The following UBE4B variants were observed in gnomAD, a reference collection of about 807,000 sequenced individuals.
The protein encoded by UBE4B is ubiquitination factor E4B, also known as ubiquitin conjugation factor E4 B.
In UBE4B, 27 loss-of-function variants were observed where a neutral mutation model predicts 148.1. That is an observed-to-expected ratio of 0.18 (90% confidence interval 0.13 to 0.25). The LOEUF (loss-of-function observed/expected upper bound fraction) is 0.25. Among genes scored for constraint, UBE4B ranks in the 10% least tolerant of loss-of-function variants. UBE4B has a pLI of 1.00. For synonymous variants in UBE4B, 596 were observed against 619.3 expected (o/e 0.96, Z 0.56); for missense variants, 1,170 against 1,662.4 (o/e 0.70, Z 5.15).
At chr1:10,124,892 G>A (rs1217416603) in intron 10 of UBE4B, among the ~76,000 whole-genome samples, 7 of 152,124 alleles carry the variant, frequency 4.6e-5, no homozygotes, top group Admixed American at 1.3e-4. Context: ...TTGGGAGGCC[G>A]AGGCAGGTGG....
At chr1:10,129,666 T>C (rs767740378) in intron 12 of UBE4B, among the ~76,000 whole-genome samples, 101 of 152,130 alleles carry the variant, frequency 6.6e-4, no homozygotes, top group Non-Finnish European at 1.3e-3. Context: ...CCCTTTTTTT[T>C]CTAAGAATCT....
chr1:10,068,272 C>G (rs1389498800), intron 1 of UBE4B, among the ~76,000 whole-genome samples: 1 of 152,046 alleles, frequency 6.6e-6, no homozygotes, highest in Non-Finnish European at 1.5e-5. Context: ...GAAGTGATCC[C>G]ACCTACCTTG....
intron 7 of UBE4B, among the ~76,000 whole-genome samples, chr1:10,111,176 T>C (rs1645213895): frequency 6.6e-6 from 1 of 151,280 alleles, no homozygotes; most frequent in Non-Finnish European, 1.5e-5. Context: ...CTGACCATGG[T>C]CTACAAGGCC....
intron 19 of UBE4B, among the ~76,000 whole-genome samples, chr1:10,147,533 T>A (rs12058944): frequency 0.074 from 11,274 of 152,250 alleles, 729 homozygotes; most frequent in African/African-American, 0.17. Flanking sequence ...GTTTCCAGAT[T>A]GCATTTATAT....
chr1:10,061,982 T>C (rs1644295897), intron 1 of UBE4B, among the ~76,000 whole-genome samples: 1 of 151,376 alleles, frequency 6.6e-6, no homozygotes, highest in Admixed American at 6.6e-5. Flanking sequence ...CGATCTTGGC[T>C]CACTGCAACC....
chr1:10,077,399 A>G (rs1481161170), intron 2 of UBE4B, among the ~76,000 whole-genome samples: 1 of 152,182 alleles, frequency 6.6e-6, no homozygotes, highest in Non-Finnish European at 1.5e-5. Flanking sequence ...GTATGAGCTT[A>G]TTTTAACTTG....
At chr1:10,160,804 G>A (rs1452837262) in intron 22 of UBE4B, among the ~76,000 whole-genome samples, 8 of 152,082 alleles carry the variant, frequency 5.3e-5, no homozygotes, top group Admixed American at 1.3e-4. Context: ...AAAGCTGGGC[G>A]TGGTGGTGTG....
chr1:10,034,489 AC>A (rs921869813), intron 1 of UBE4B, among the ~76,000 whole-genome samples: 2 of 151,816 alleles, frequency 1.3e-5, no homozygotes, highest in African/African-American at 4.8e-5. Flanking sequence ...AAAAAAAAAA[AC>A]AACCAAAAAG....
intron 17 of UBE4B, among the ~76,000 whole-genome samples, chr1:10,139,619 G>A (rs954772732): frequency 3.3e-5 from 5 of 152,232 alleles, no homozygotes; most frequent in Admixed American, 3.3e-4. Flanking sequence ...TCTTGTGTCA[G>A]TTTTTCTAAA....
At chr1:10,122,403 A>G (rs534913324) in intron 10 of UBE4B, among the ~76,000 whole-genome samples, 23 of 152,340 alleles carry the variant, frequency 1.5e-4, no homozygotes, top group African/African-American at 5.5e-4. Context: ...ATAAGGCATG[A>G]TATGCATTTG....
At chr1:10,034,393 A>C (rs952344505) in intron 1 of UBE4B, among the ~76,000 whole-genome samples, 1 of 151,782 alleles carries the variant, frequency 6.6e-6, no homozygotes, top group Non-Finnish European at 1.5e-5. Context: ...GACTTTCTAA[A>C]CTCTCTCCTG....
intron 1 of UBE4B, among the ~76,000 whole-genome samples, chr1:10,068,669 A>G (rs1644432232): frequency 6.8e-6 from 1 of 147,052 alleles, no homozygotes; most frequent in Non-Finnish European, 1.5e-5. Context: ...TATTTTTAGT[A>G]GAGCCGGTGT....
chr1:10,061,316 A>G (rs1429459782), intron 1 of UBE4B, among the ~76,000 whole-genome samples: 5 of 152,004 alleles, frequency 3.3e-5, no homozygotes, highest in South Asian at 2.1e-4. Flanking sequence ...TGCAAGTGGC[A>G]TGATTTTGGC....
At chr1:10,103,685 C>T (rs1192480317) in intron 5 of UBE4B, among the ~76,000 whole-genome samples, 1 of 147,036 alleles carries the variant, frequency 6.8e-6, no homozygotes, top group Non-Finnish European at 1.5e-5. Context: ...GGCTGGAGTG[C>T]AGTGGCGCAG....
chr1:10,097,134 A>T (rs1644942587), intron 3 of UBE4B, among the ~76,000 whole-genome samples: 1 of 152,032 alleles, frequency 6.6e-6, no homozygotes, highest in Non-Finnish European at 1.5e-5. Context: ...TAAGAGTTAA[A>T]TAGGGGTTAG....
intron 25 of UBE4B, among the ~76,000 whole-genome samples, chr1:10,173,508 TAC>T (rs1051041714): frequency 3.3e-5 from 5 of 149,934 alleles, no homozygotes; most frequent in East Asian, 2.0e-4. Context: ...TATATATATA[TAC>T]ACACACACAC....
intron 1 of UBE4B, among the ~76,000 whole-genome samples, chr1:10,061,460 T>A (rs536317495): frequency 6.6e-6 from 1 of 152,220 alleles, no homozygotes; most frequent in African/African-American, 2.4e-5. Flanking sequence ...TTTCACCATC[T>A]TGACCAGACT....
intron 22 of UBE4B, among the ~76,000 whole-genome samples, chr1:10,160,374 C>T (rs573475406): frequency 2.0e-5 from 3 of 152,060 alleles, no homozygotes; most frequent in Non-Finnish European, 2.9e-5. Context: ...TGAGTATATG[C>T]GTTTTTCCTG....
rs993095267 is a variant in UBE4B, at chr1:10,092,327, C to T, written c.212-3134C>T. Among the ~76,000 whole-genome samples the T allele has an allele frequency of 3.9e-5, 6 of 152,242 alleles. No homozygotes were observed. In the East Asian group the frequency reaches 5.9e-4, roughly 15 times the overall value. ...GCAACCTCCGCCTCCCAGGTTAAAG[C>T]GATTCTTCTGCCTCAGATTCCCGAG... is the stretch of plus-strand genomic sequence containing the variant. On this transcript the variant is annotated intron_variant, in intron 2 of 27. Transcript: ENST00000343090.
Sources: allele counts gnomAD v4.1 joint callset (sites outside exome capture counted in the v4.1 genomes callset), GRCh38; gene constraint gnomAD v4.1.1; transcripts MANE v1.5; gene names NCBI Gene and HGNC (gene_info 2026-07-23, HGNC 2026-07-21).